Variants in DHRS9 observed in about 807,000 individuals in gnomAD.
DHRS9 encodes dehydrogenase/reductase SDR family member 9.
Under a neutral mutation model 26.6 loss-of-function variants are expected in DHRS9, and 18 were observed. That is an observed-to-expected ratio of 0.68 (90% CI 0.47 to 1.00). DHRS9 has a LOEUF of 1.00. DHRS9 is among the 50% of genes least tolerant of loss of function. The probability of loss-of-function intolerance (pLI) is 0.00; values close to 1 mark genes in which losing one functional copy is unlikely to be tolerated. For synonymous variants in DHRS9, 134 were observed against 141.1 expected (o/e 0.95, Z 0.36); for missense variants, 425 against 378.7 (o/e 1.12, Z -1.01).
Position 169,095,806 on chromosome 2 carries a change from T to A in DHRS9, c.*39T>A. 1.9e-6 allele frequency: 3 copies of A among 1,582,008 alleles called. No homozygotes were observed. Among genetic ancestry groups the A allele is most frequent in the Non-Finnish European group, 2.6e-6 (3 of 1,153,096 alleles). On this transcript the variant is annotated 3_prime_UTR_variant, in exon 5 of 5. Transcript: ENST00000674881. ...AAATGTCTCCTCCAGGCTATGAAAT[T>A]GGCCGATTTCAAGAACACATCTCCT...
At chr2:169,092,987 C>G (rs1053303031) in intron 4 of DHRS9, among the ~76,000 whole-genome samples, 1 of 152,122 alleles carries the variant, frequency 6.6e-6, no homozygotes, top group Non-Finnish European at 1.5e-5. Context: ...GCCATTTATG[C>G]TTGGCCATGG....
chr2:169,079,151 T>G (rs1404293725), intron 1 of DHRS9, among the ~76,000 whole-genome samples: 1 of 152,062 alleles, frequency 6.6e-6, no homozygotes, highest in Non-Finnish European at 1.5e-5. Context: ...CCGGCTGAAC[T>G]GACAATTCTT....
intron 1 of DHRS9, among the ~76,000 whole-genome samples, chr2:169,071,146 T>TA (rs1302123806): frequency 6.6e-6 from 1 of 152,214 alleles, no homozygotes; most frequent in Non-Finnish European, 1.5e-5. Context: ...ACTGAAGTTT[T>TA]AAACACACTT....
chr2:169,080,555 T>C (rs1265181079), intron 1 of DHRS9, among the ~76,000 whole-genome samples: 1 of 152,206 alleles, frequency 6.6e-6, no homozygotes, highest in Non-Finnish European at 1.5e-5. Flanking sequence ...CAGTACCCCA[T>C]GGTAAGAGTA....
Position 169,081,752 on chromosome 2 carries a change from C to T in DHRS9, c.171C>T (p.Ile57=), listed in dbSNP as rs754346896. ...RTFDKKGFHV[I]AACLTESGST... Reference sequence around the variant, plus strand: ...TTGATAAAAAGGGATTTCATGTAATCGCTGCCTGTCTGACTGAATCAGGAT... The same window carrying T: ...TTGATAAAAAGGGATTTCATGTAATTGCTGCCTGTCTGACTGAATCAGGAT... The change falls in exon 2 of 5, where the codon ATC becomes ATT. Residue 57 remains isoleucine (I), a synonymous_variant. Coordinates refer to ENST00000674881, the MANE Select transcript of DHRS9 (RefSeq NM_001376924.1). The T allele has an allele frequency of 8.7e-6, 14 of 1,614,038 alleles. No homozygotes were observed. The highest frequency in any genetic ancestry group is 1.7e-5 in the Admixed American group (1 of 60,008).
chr2:169,084,615 C>T (rs1464460321), intron 3 of DHRS9, among the ~76,000 whole-genome samples: 1 of 152,058 alleles, frequency 6.6e-6, no homozygotes, highest in African/African-American at 2.4e-5. Context: ...TTTCATATAC[C>T]TATTTTCCAC....
At chr2:169,095,455 C>G in intron 4 of DHRS9, 89 bp from the exon 5 acceptor site, 1 of 990,520 alleles carries the variant, frequency 1.0e-6, no homozygotes, top group Non-Finnish European at 1.6e-6. Context: ...GAATAAATCC[C>G]CTTGTATCCA....
chr2:169,094,546 T>A lies in DHRS9; in HGVS notation c.737-998T>A, dbSNP rs984131370. ...TTTCCTTTATGTTTTCTTCTAGTAG[T>A]TTTTTTTTTTTTTTAATAGAGATGA... On this transcript the variant is annotated intron_variant, in intron 4 of 4. Transcript: ENST00000674881. Among the ~76,000 whole-genome samples, 19 of 135,546 alleles carry A rather than the reference T, an allele frequency of 1.4e-4. No individual in the cohort carries two copies. The South Asian group carries it at 2.5e-3, about 18-fold the overall frequency. The allele number at this position is 135,546 out of a possible 152,430, so 88.9% of individuals were successfully genotyped here. A position where few individuals can be genotyped will look rare whatever the true frequency, so the allele number is the denominator to read the frequency against.
chr2:169,092,002 C>G, intron 4 of DHRS9, 49 bp downstream of exon 4: 2 of 1,586,620 alleles, frequency 1.3e-6, no homozygotes, highest in Non-Finnish European at 8.6e-7. Flanking sequence ...TTGTCCTGAA[C>G]AGCATGAAGG....
At position 169,091,787 on chromosome 2, in the gene DHRS9, C is replaced by T; in HGVS notation, c.573-3C>T. 2 of 1,601,052 alleles carry T rather than the reference C, an allele frequency of 1.2e-6. No homozygotes were observed. The highest frequency in any genetic ancestry group is 1.7e-6 in the Non-Finnish European group (2 of 1,172,106). On this transcript the variant is annotated splice_region_variant and splice_polypyrimidine_tract_variant and intron_variant, in intron 3 of 4. Coordinates refer to ENST00000674881, the MANE Select transcript of DHRS9 (RefSeq NM_001376924.1). ...AAACATCTTCAATGGGTTCTTTTCA[C>T]AGACGGGACATGAAAGCTTTTGGTG...
At chr2:169,079,883 A>AAGAG (rs1247432554) in intron 1 of DHRS9, among the ~76,000 whole-genome samples, 5 of 80,836 alleles carry the variant, frequency 6.2e-5, no homozygotes, top group African/African-American at 1.4e-4. Flanking sequence ...GAAAGAAAGA[A>AAGAG]AGAGAGAGAG....
rs756957761 is a variant in DHRS9, at chr2:169,081,585, C to T, written c.4C>T (p.Leu2Phe). The T allele has an allele frequency of 5.6e-6, 9 of 1,613,276 alleles. No homozygotes were observed. In the Admixed American group the frequency reaches 6.7e-5, roughly 12 times the overall value. The change falls in exon 2 of 5, where the codon CTC becomes TTC. Residue 2 changes from leucine to phenylalanine, a missense_variant. Physicochemically the swap from Leu to Phe is conservative, Grantham distance 22 (BLOSUM62 0). Coordinates refer to ENST00000674881, the MANE Select transcript of DHRS9 (RefSeq NM_001376924.1). The part of the protein sequence containing the change: M[L>F]FWVLGLLILC... ...CCTATCACACACAGGGGGAAAAATGCTCTTTTGGGTGCTAGGCCTCCTAAT... is the reference window on the plus strand; with the variant it reads ...CCTATCACACACAGGGGGAAAAATGTTCTTTTGGGTGCTAGGCCTCCTAAT...
chr2:169,091,940 T>A lies in DHRS9; in HGVS notation c.723T>A (p.Gly241=). 1.2e-6 allele frequency: 2 copies of A among 1,613,690 alleles called. No homozygotes were observed. The highest frequency in any genetic ancestry group is 1.3e-5 in the African/African-American group (1 of 74,972). The change falls in exon 4 of 5, where the codon GGT becomes GGA. Residue 241 remains glycine (G), a synonymous_variant. Coordinates refer to ENST00000674881, the MANE Select transcript of DHRS9 (RefSeq NM_001376924.1). The part of the protein sequence containing the change: ...SPDIKQQYGE[G]YIEKSLDKLK... ...ACATCAAACAACAATATGGAGAAGGTTACATTGAAAAAAGTGAGTTTCCGG... is the reference window on the plus strand; with the variant it reads ...ACATCAAACAACAATATGGAGAAGGATACATTGAAAAAAGTGAGTTTCCGG...
At chr2:169,087,765 A>G (rs979373812) in intron 3 of DHRS9, among the ~76,000 whole-genome samples, 6 of 152,102 alleles carry the variant, frequency 3.9e-5, no homozygotes, top group Non-Finnish European at 7.4e-5. Flanking sequence ...CTGGCTCAGG[A>G]CAAGTCTAGA....
intron 3 of DHRS9, among the ~76,000 whole-genome samples, chr2:169,084,345 G>T (rs1281128882): frequency 1.3e-5 from 2 of 151,830 alleles, no homozygotes; most frequent in African/African-American, 4.8e-5. Context: ...CTTTCTTTTG[G>T]GTATATACCC....
chr2:169,075,629 C>T (rs1396749617), intron 1 of DHRS9, among the ~76,000 whole-genome samples: 1 of 152,124 alleles, frequency 6.6e-6, no homozygotes, highest in Non-Finnish European at 1.5e-5. Context: ...TCCAGGATCA[C>T]ATATTGCATT....
chr2:169,085,880 T>C (rs1684334046), intron 3 of DHRS9, among the ~76,000 whole-genome samples: 1 of 152,246 alleles, frequency 6.6e-6, no homozygotes, highest in Non-Finnish European at 1.5e-5. Context: ...TTATTTGTTT[T>C]TGAGGAATCT....
chr2:169,067,833 T>C (rs1228341353), upstream of DHRS9, among the ~76,000 whole-genome samples: 4 of 152,126 alleles, frequency 2.6e-5, no homozygotes, highest in South Asian at 2.1e-4. Flanking sequence ...TGTGGGACCA[T>C]TGGACAAGGA....
upstream of DHRS9, among the ~76,000 whole-genome samples, chr2:169,067,908 T>C (rs1421585551): frequency 6.6e-6 from 1 of 152,124 alleles, no homozygotes; most frequent in Non-Finnish European, 1.5e-5. Flanking sequence ...CCCACAGGAA[T>C]TGAGGGACAA....
Sources: gnomAD v4.1 joint callset for allele counts (sites outside exome capture counted in the v4.1 genomes callset) on GRCh38, gnomAD v4.1.1 for gene constraint, MANE v1.5 for transcripts, NCBI Gene and HGNC (gene_info 2026-07-23, HGNC 2026-07-21) for gene names.